Variants in FAT3 observed in about 807,000 individuals in gnomAD.
The protein encoded by FAT3 is protocadherin Fat 3.
Under a neutral mutation model 310.2 loss-of-function variants are expected in FAT3, and 95 were observed. That is an observed-to-expected ratio of 0.31 (90% confidence interval 0.26 to 0.36). FAT3 has a LOEUF of 0.36. Among genes scored for constraint, FAT3 ranks in the 10% least tolerant of loss-of-function variants. The pLI, the probability that FAT3 is intolerant of heterozygous loss-of-function variation, is 1.00. For synonymous variants in FAT3, 2,314 were observed against 2,192.9 expected (o/e 1.06, Z -1.54); for missense variants, 5,408 against 5,715.6 (o/e 0.95, Z 1.74).
intron 1 of FAT3, among the ~76,000 whole-genome samples, chr11:92,309,152 T>TC (rs1474130092): frequency 1.4e-5 from 2 of 140,708 alleles, no homozygotes; most frequent in South Asian, 2.6e-4. Context: ...GTGTTATGTT[T>TC]CCCCACACCC....
chr11:92,622,522 A>C (rs1004117277), intron 3 of FAT3, among the ~76,000 whole-genome samples: 1 of 152,214 alleles, frequency 6.6e-6, no homozygotes, highest in South Asian at 2.1e-4. Flanking sequence ...TTGTGAATCC[A>C]TCATTGCTGC....
intron 4 of FAT3, among the ~76,000 whole-genome samples, chr11:92,746,592 A>C (rs1945678913): frequency 6.6e-6 from 1 of 152,188 alleles, no homozygotes; most frequent in African/African-American, 2.4e-5. Context: ...AGTCCCCCAA[A>C]GTCTTAATTC....
chr11:92,837,164 C>A (rs1235299653), intron 16 of FAT3, among the ~76,000 whole-genome samples: 1 of 152,112 alleles, frequency 6.6e-6, no homozygotes, highest in Non-Finnish European at 1.5e-5. Context: ...AAATATTCAT[C>A]TTCGAAGGGA....
At chr11:92,308,573 A>G (rs1205641289) in intron 1 of FAT3, among the ~76,000 whole-genome samples, 2 of 152,198 alleles carry the variant, frequency 1.3e-5, no homozygotes, top group Non-Finnish European at 2.9e-5. Flanking sequence ...ATATGAGTCA[A>G]TCATTTGCCA....
chr11:92,822,977 C>T (rs1172962830), intron 13 of FAT3, among the ~76,000 whole-genome samples: 1 of 152,202 alleles, frequency 6.6e-6, no homozygotes, highest in Admixed American at 6.5e-5. Context: ...TCCTATCTTT[C>T]CTTCAGGACT....
intron 2 of FAT3, among the ~76,000 whole-genome samples, chr11:92,502,964 C>G (rs1001854456): frequency 6.6e-6 from 1 of 152,070 alleles, no homozygotes; most frequent in African/African-American, 2.4e-5. Flanking sequence ...AATGCCTGTA[C>G]GTACAGTGAA....
At chr11:92,319,310 A>C (rs1947547400) in intron 1 of FAT3, among the ~76,000 whole-genome samples, 1 of 152,104 alleles carries the variant, frequency 6.6e-6, no homozygotes, top group African/African-American at 2.4e-5. Context: ...CAAGGTTGCA[A>C]GCAGTGGACA....
At chr11:92,261,613 A>AGCCACCG (rs1865558992) in intron 1 of FAT3, among the ~76,000 whole-genome samples, 1 of 152,144 alleles carries the variant, frequency 6.6e-6, no homozygotes, top group Non-Finnish European at 1.5e-5. Context: ...ACAAAATTAC[A>AGCCACCG]GCCACCGGTT....
chr11:92,353,638 A>G lies in FAT3; in HGVS notation c.1526A>G (p.Tyr509Cys), dbSNP rs1253789487. ...KDKGENGYITYSIASLNLLPF... is the reference protein window; with the variant it reads ...KDKGENGYITCSIASLNLLPF... Reference sequence around the variant, plus strand: ...AAAGGAGAAAATGGGTACATCACCTATAGTATCGCTAGCCTGAATTTGTTA... The same window carrying G: ...AAAGGAGAAAATGGGTACATCACCTGTAGTATCGCTAGCCTGAATTTGTTA... Residue 509 changes from tyrosine (Y) to cysteine (C), a missense_variant, in exon 2 of 28, where the codon TAT becomes TGT. Physicochemically the swap from Tyr to Cys is radical, Grantham distance 194. Transcript: ENST00000525166. 1 of 1,613,900 alleles carries G rather than the reference A, an allele frequency of 6.2e-7. No individual in the cohort carries two copies. Among genetic ancestry groups the G allele is most frequent in the Non-Finnish European group, 8.5e-7 (1 of 1,179,862 alleles).
chr11:92,442,111 A>ATATATATATATTTTTTTTT (rs1453396603), intron 2 of FAT3, among the ~76,000 whole-genome samples: 2 of 45,220 alleles, frequency 4.4e-5, no homozygotes, highest in African/African-American at 3.7e-4. Context: ...ATATATATAT[A>ATATATATATATTTTTTTTT]TTTTTTTTTT....
intron 2 of FAT3, among the ~76,000 whole-genome samples, chr11:92,373,760 G>GCACA (rs57651290): frequency 0.024 from 3,109 of 129,952 alleles, 45 homozygotes; most frequent in East Asian, 0.056. Flanking sequence ...AGATATGTAT[G>GCACA]CACACACACA....
At chr11:92,519,150 T>C (rs1180361905) in intron 2 of FAT3, among the ~76,000 whole-genome samples, 1 of 152,142 alleles carries the variant, frequency 6.6e-6, no homozygotes, top group Non-Finnish European at 1.5e-5. Flanking sequence ...TCAAGATTTA[T>C]AAAGCTACAT....
At chr11:92,859,354 C>G in intron 21 of FAT3, 32 bp downstream of exon 21, 1 of 1,537,384 alleles carries the variant, frequency 6.5e-7, no homozygotes, top group Non-Finnish European at 8.8e-7. Flanking sequence ...TTTCTGCAGT[C>G]AGTTCTCATG....
At position 92,893,431 on chromosome 11, in the gene FAT3, G is replaced by A. The variant is rs1055770086; in HGVS notation, c.*2318G>A. The A allele has an allele frequency of 3.3e-5, 5 of 152,164 alleles. No individual in the cohort carries two copies. The highest frequency in any genetic ancestry group is 5.9e-5 in the Non-Finnish European group (4 of 68,036). The allele number at this position is 152,164 out of a possible 1,614,324, so 9.4% of individuals were successfully genotyped here. On this transcript the variant is annotated 3_prime_UTR_variant, in exon 28 of 28. Transcript: ENST00000525166. ...GAATAGAGTGACTGCTACACTTTAA[G>A]TAATGCAATGACATAAAAACCATCA...
chr11:92,470,742 G>T (rs901447841), intron 2 of FAT3, among the ~76,000 whole-genome samples: 7 of 152,146 alleles, frequency 4.6e-5, no homozygotes, highest in Non-Finnish European at 8.8e-5. Flanking sequence ...GGTCCTATTT[G>T]TAGCTTTCAG....
At chr11:92,349,866 T>A (rs559945855) in intron 1 of FAT3, among the ~76,000 whole-genome samples, 1 of 152,314 alleles carries the variant, frequency 6.6e-6, no homozygotes, top group South Asian at 2.1e-4. Flanking sequence ...CTCCATGTTT[T>A]CTACGGGATA....
intron 2 of FAT3, among the ~76,000 whole-genome samples, chr11:92,509,234 T>A (rs1352813906): frequency 6.6e-6 from 1 of 152,188 alleles, no homozygotes; most frequent in Non-Finnish European, 1.5e-5. Context: ...AACGATTTAA[T>A]CAAAATGTGA....
intron 3 of FAT3, among the ~76,000 whole-genome samples, chr11:92,661,975 A>T (rs113251240): frequency 1.2e-3 from 182 of 152,218 alleles, no homozygotes; most frequent in African/African-American, 4.2e-3. Context: ...TATGTGGAAA[A>T]GTGACTCTCT....
At chr11:92,290,392 A>T (rs1946660049) in intron 1 of FAT3, among the ~76,000 whole-genome samples, 1 of 152,272 alleles carries the variant, frequency 6.6e-6, no homozygotes, top group South Asian at 2.1e-4. Flanking sequence ...ATATTGAATA[A>T]ATGAATGAAT....
Sources: allele counts gnomAD v4.1 joint callset (sites outside exome capture counted in the v4.1 genomes callset), GRCh38; gene constraint gnomAD v4.1.1; transcripts MANE v1.5; gene names NCBI Gene and HGNC (gene_info 2026-07-23, HGNC 2026-07-21).